The following VAV2 variants were observed in gnomAD, a reference collection of about 807,000 sequenced individuals.
VAV2 encodes the protein vav guanine nucleotide exchange factor 2.
VAV2 carries 67 observed loss-of-function variants against 132.5 expected under a neutral mutation model. The observed-to-expected ratio is 0.51, with a 90% CI of 0.42 to 0.62. The LOEUF is 0.62. VAV2 is among the 20% of genes least tolerant of loss of function. The pLI, the probability that VAV2 is intolerant of heterozygous loss-of-function variation, is 0.00. For synonymous variants in VAV2, 492 were observed against 443.5 expected (o/e 1.11, Z -1.37); for missense variants, 938 against 1,153.6 (o/e 0.81, Z 2.71).
Position 133,865,825 on chromosome 9 carries a change from G to A in VAV2, c.322-4393C>T, listed in dbSNP as rs147550313. 6.6e-5 allele frequency among the ~76,000 whole-genome samples: 10 copies of A among 152,328 alleles called. No individual in the cohort carries two copies. In the East Asian group the frequency reaches 1.7e-3, roughly 26 times the overall value. ...CTATGCTGTAAGTGCATCCTCAGTGGGAATTGTTTTCCATGGGTGGAGGGA... is the reference window on the plus strand; with the variant it reads ...CTATGCTGTAAGTGCATCCTCAGTGAGAATTGTTTTCCATGGGTGGAGGGA... On this transcript the variant is annotated intron_variant, in intron 2 of 29. Transcript: ENST00000371850.
At chr9:133,847,081 C>G (rs993604716) in intron 3 of VAV2, among the ~76,000 whole-genome samples, 2 of 152,214 alleles carry the variant, frequency 1.3e-5, no homozygotes, top group East Asian at 3.9e-4. Context: ...AACTACCCAC[C>G]TTGGAGCCTC....
At chr9:133,855,343 T>C (rs1486282155) in intron 3 of VAV2, among the ~76,000 whole-genome samples, 2 of 152,166 alleles carry the variant, frequency 1.3e-5, no homozygotes, top group African/African-American at 4.8e-5. Flanking sequence ...TGAGAGGTAT[T>C]TGGTACCTTG....
At chr9:133,925,988 G>A (rs1253401081) in intron 2 of VAV2, 1 of 105,698 alleles carries the variant, frequency 9.5e-6, no homozygotes. Context: ...TTAATTAACT[G>A]TGGACATGGA....
intron 3 of VAV2, among the ~76,000 whole-genome samples, chr9:133,841,368 T>G (rs1412175976): frequency 2.6e-5 from 4 of 151,824 alleles, no homozygotes; most frequent in African/African-American, 9.7e-5. Flanking sequence ...GGCAGCGAAC[T>G]CCTCTGCATA....
intron 4 of VAV2, among the ~76,000 whole-genome samples, chr9:133,831,606 T>G (rs955712524): frequency 6.6e-6 from 1 of 152,014 alleles, no homozygotes; most frequent in Non-Finnish European, 1.5e-5. Context: ...CCCAGGAGGC[T>G]CCTACGGAGT....
At chr9:133,827,249 G>GCACGGGCATCGCCAGCTAC (rs200227886) in intron 4 of VAV2, among the ~76,000 whole-genome samples, 1 of 18,182 alleles carries the variant, frequency 5.5e-5, no homozygotes, top group Non-Finnish European at 1.3e-4. Flanking sequence ...TGACCACTGA[G>GCACGGGCATCGCCAGCTAC]CGGGGGCATC....
At chr9:133,803,167 C>T (rs1017758651) in intron 9 of VAV2, among the ~76,000 whole-genome samples, 7 of 152,048 alleles carry the variant, frequency 4.6e-5, no homozygotes, top group African/African-American at 1.4e-4. Context: ...GCTCACCTGT[C>T]TCGGATCCTT....
intron 1 of VAV2, among the ~76,000 whole-genome samples, chr9:133,949,458 C>T (rs1235818623): frequency 6.6e-6 from 1 of 152,220 alleles, no homozygotes; most frequent in East Asian, 1.9e-4. Flanking sequence ...TGTGCTGTTC[C>T]AGTGGCCTGA....
chr9:133,779,417 C>CCAG (rs139190340), intron 21 of VAV2, among the ~76,000 whole-genome samples: 10 of 152,052 alleles, frequency 6.6e-5, no homozygotes, highest in Non-Finnish European at 1.3e-4. Context: ...CCCGCCTGGC[C>CCAG]CAGCAGCAGC....
rs745655458 is a variant in VAV2 at position 133,789,353 on chromosome 9, A to G, written c.1189-10T>C. 3.1e-6 allele frequency: 5 copies of G among 1,613,944 alleles called. No individual in the cohort carries two copies. Among genetic ancestry groups the G allele is most frequent in the Non-Finnish European group, 4.2e-6 (5 of 1,179,908 alleles). ...CCTCCAGTTTCACTTGCTGGGAAGA[A>G]GGAGAGGGGCCGTCAGCCGGGGCTG... is the stretch of plus-strand genomic sequence containing the variant. On this transcript the variant is annotated splice_polypyrimidine_tract_variant and intron_variant, in intron 13 of 29. Coordinates refer to ENST00000371850, the MANE Select transcript of VAV2 (RefSeq NM_001134398.2).
At position 133,833,492 on chromosome 9, in the gene VAV2, C is replaced by T. The variant is rs959400465; in HGVS notation, c.449+780G>A. On this transcript the variant is annotated intron_variant, in intron 4 of 29. Coordinates refer to ENST00000371850, the MANE Select transcript of VAV2 (RefSeq NM_001134398.2). This position sits in a 1 kb window ranked among gnomAD's most constrained non-coding sequence, Gnocchi z 5.6. ...CAGAGGCCCCCAGGCAGCAAGGATG[C>T]CCGAAGGCACCATCTCCCGGTGGCC... 2.0e-5 allele frequency among the ~76,000 whole-genome samples: 3 copies of T among 152,206 alleles called. No homozygotes were observed. Among genetic ancestry groups the T allele is most frequent in the African/African-American group, 7.2e-5 (3 of 41,460 alleles).
At chr9:133,892,078 G>A (rs949780059) in intron 2 of VAV2, among the ~76,000 whole-genome samples, 10 of 127,120 alleles carry the variant, frequency 7.9e-5, no homozygotes, top group Non-Finnish European at 1.5e-4. Context: ...TGGGGTGTGG[G>A]GAGGAGGGGG....
intron 2 of VAV2, among the ~76,000 whole-genome samples, chr9:133,922,648 T>C (rs1840336955): frequency 6.6e-6 from 1 of 152,224 alleles, no homozygotes; most frequent in African/African-American, 2.4e-5. Context: ...CAGCTATATG[T>C]AAGAGGATGC....
intron 2 of VAV2, among the ~76,000 whole-genome samples, chr9:133,870,144 A>G (rs1351526886): frequency 6.6e-6 from 1 of 152,172 alleles, no homozygotes; most frequent in Non-Finnish European, 1.5e-5. Flanking sequence ...TGCCACCAGG[A>G]GGAGGCTGGA....
At chr9:133,950,051 G>T (rs1181381412) in intron 1 of VAV2, among the ~76,000 whole-genome samples, 1 of 152,152 alleles carries the variant, frequency 6.6e-6, no homozygotes, top group Non-Finnish European at 1.5e-5. Flanking sequence ...CGCTGCCAGG[G>T]TCTGTCTGTC....
intron 7 of VAV2, among the ~76,000 whole-genome samples, chr9:133,807,907 A>G (rs979108892): frequency 6.6e-6 from 1 of 152,076 alleles, no homozygotes; most frequent in African/African-American, 2.4e-5. Flanking sequence ...AGGCCCGGCC[A>G]CCCTCTCCTC....
chr9:133,831,948 A>T (rs1836280967), intron 4 of VAV2, among the ~76,000 whole-genome samples: 1 of 152,188 alleles, frequency 6.6e-6, no homozygotes, highest in African/African-American at 2.4e-5. Context: ...ACAACCACAG[A>T]ACAGACCTCA....
rs1482844095 is a variant in VAV2 at position 133,991,577 on chromosome 9, G to A, written c.204+498C>T. The stretch of plus-strand genomic sequence containing the variant: ...GCCCGGGGCCAACCCAGCTCCCTCC[G>A]GCCCCGAGGGCTCCCGCCCCGCGCC... On this transcript the variant is annotated intron_variant, in intron 1 of 29. Coordinates refer to ENST00000371850, the MANE Select transcript of VAV2 (RefSeq NM_001134398.2). The surrounding 1 kb of genome is among the most constrained non-coding windows in gnomAD (Gnocchi z 4.8). 2.6e-5 allele frequency among the ~76,000 whole-genome samples: 4 copies of A among 151,562 alleles called. No homozygotes were observed. The highest frequency in any genetic ancestry group is 4.4e-5 in the Non-Finnish European group (3 of 67,832).
intron 29 of VAV2, among the ~76,000 whole-genome samples, chr9:133,764,938 A>C (rs1464906593): frequency 1.3e-5 from 2 of 152,226 alleles, no homozygotes; most frequent in Non-Finnish European, 2.9e-5. Flanking sequence ...AATAAATAAA[A>C]AGAAAATCAC....
Sources: gnomAD v4.1 joint callset for allele counts (sites outside exome capture counted in the v4.1 genomes callset) on GRCh38, gnomAD v4.1.1 for gene constraint, Gnocchi (gnomAD v3.1) non-coding constraint, MANE v1.5 for transcripts, NCBI Gene and HGNC (gene_info 2026-07-23, HGNC 2026-07-21) for gene names.